Variants in MALRD1 observed in about 807,000 individuals in gnomAD.
The protein encoded by MALRD1 is MAM and LDL-receptor class A domain-containing protein 1.
MALRD1 carries 247 observed loss-of-function variants against 242.1 expected under a neutral mutation model. That is an observed-to-expected ratio of 1.02 (90% CI 0.92 to 1.13). The LOEUF (loss-of-function observed/expected upper bound fraction) is 1.13, where lower values mean the gene tolerates loss of function less well. MALRD1 is among the 50% of genes most tolerant of loss of function. The pLI is 0.00. For synonymous variants in MALRD1, 995 were observed against 866.6 expected, an observed-to-expected ratio of 1.15 and a Z score of -2.60; for missense variants, 2,989 against 2,533.1, an observed-to-expected ratio of 1.18 and a Z score of -3.86.
intron 26 of MALRD1, among the ~76,000 whole-genome samples, chr10:19,380,125 C>G (rs960990371): frequency 1.3e-5 from 2 of 151,720 alleles, no homozygotes; most frequent in South Asian, 2.1e-4. Context: ...CAGACATGCA[C>G]CACCATGCCT....
At chr10:19,512,132 G>T (rs1833428987) in intron 31 of MALRD1, among the ~76,000 whole-genome samples, 1 of 152,108 alleles carries the variant, frequency 6.6e-6, no homozygotes, top group African/African-American at 2.4e-5. Context: ...TCTTTCTCTA[G>T]TGTCACTTCC....
intron 14 of MALRD1, among the ~76,000 whole-genome samples, chr10:19,181,325 T>C (rs996460076): frequency 1.3e-5 from 2 of 152,216 alleles, no homozygotes; most frequent in Non-Finnish European, 2.9e-5. Flanking sequence ...TCTGTTGATG[T>C]ACAGATAGAT....
At position 19,179,718 on chromosome 10, in the gene MALRD1, CTTA is replaced by C. The variant is rs201537080; in HGVS notation, c.1951+4395_1951+4397del. ...AAATTATTTTTAACATCATAATATT[CTTA>C]TTATCGTAAGCAGTTGCTATTTCAG... On this transcript the variant is annotated intron_variant, in intron 14 of 39. Coordinates refer to ENST00000454679, the MANE Select transcript of MALRD1 (RefSeq NM_001142308.3). Among the ~76,000 whole-genome samples the C allele has an allele frequency of 2.0e-4, 30 of 152,212 alleles. No homozygotes were observed. In the East Asian group the frequency reaches 5.6e-3, roughly 28 times the overall value.
chr10:19,596,257 T>C (rs1371949030), intron 34 of MALRD1, among the ~76,000 whole-genome samples: 2 of 152,190 alleles, frequency 1.3e-5, no homozygotes, highest in African/African-American at 4.8e-5. Flanking sequence ...CAAACACCCC[T>C]AACATTTTAT....
intron 32 of MALRD1, among the ~76,000 whole-genome samples, chr10:19,553,360 A>G (rs374552151): frequency 2.4e-4 from 37 of 152,278 alleles, no homozygotes; most frequent in African/African-American, 8.7e-4. Flanking sequence ...TCATGTTATC[A>G]ATACATTTTA....
chr10:19,073,603 T>C (rs1835225907), intron 2 of MALRD1, among the ~76,000 whole-genome samples: 1 of 152,184 alleles, frequency 6.6e-6, no homozygotes, highest in Non-Finnish European at 1.5e-5. Flanking sequence ...CTTCAGGTTA[T>C]GTGAATAAGG....
chr10:19,287,254 G>A (rs952179576), intron 21 of MALRD1, among the ~76,000 whole-genome samples: 27 of 151,802 alleles, frequency 1.8e-4, no homozygotes, highest in African/African-American at 6.3e-4. Flanking sequence ...CTTTTATTAG[G>A]GATTGGTTAT....
At chr10:19,276,862 T>G (rs12415986) in intron 19 of MALRD1, among the ~76,000 whole-genome samples, 21,729 of 151,852 alleles carry the variant, frequency 0.14, 1,835 homozygotes, top group African/African-American at 0.23. Flanking sequence ...TATTTTAGGA[T>G]AGAAAATATT....
intron 14 of MALRD1, among the ~76,000 whole-genome samples, chr10:19,195,954 C>G (rs1836222332): frequency 6.6e-6 from 1 of 152,070 alleles, no homozygotes; most frequent in South Asian, 2.1e-4. Context: ...CTATTCCTAG[C>G]CTCAACTGAT....
chr10:19,331,604 T>C (rs1319427691), intron 24 of MALRD1, 22 bp downstream of exon 24: 2 of 1,541,332 alleles, frequency 1.3e-6, no homozygotes, highest in Non-Finnish European at 1.8e-6. Flanking sequence ...GGTTCTGTTT[T>C]CTTACTTTTG....
chr10:19,578,990 G>A (rs916563011), intron 33 of MALRD1, among the ~76,000 whole-genome samples: 4 of 152,070 alleles, frequency 2.6e-5, no homozygotes, highest in Non-Finnish European at 4.4e-5. Context: ...GTTTCTATTA[G>A]GAAGGCAGAA....
At chr10:19,586,723 G>A (rs187848857) in intron 33 of MALRD1, among the ~76,000 whole-genome samples, 51 of 152,332 alleles carry the variant, frequency 3.3e-4, no homozygotes, top group Middle Eastern at 3.4e-3. Flanking sequence ...ACAGAGGCCC[G>A]CAGGCCTCCT....
intron 21 of MALRD1, among the ~76,000 whole-genome samples, chr10:19,283,436 G>C (rs1404778620): frequency 1.3e-5 from 2 of 152,090 alleles, no homozygotes; most frequent in African/African-American, 2.4e-5. Context: ...ATCACTCTTT[G>C]AAAAGCCCTG....
chr10:19,693,781 C>T (rs1833222741), intron 38 of MALRD1, among the ~76,000 whole-genome samples: 1 of 152,024 alleles, frequency 6.6e-6, no homozygotes, highest in African/African-American at 2.4e-5. Context: ...AATCCTAAGG[C>T]AAAAGAACAA....
In MALRD1 at chr10:19,589,407, G is replaced by A. The variant is rs189094763; in HGVS notation, c.5681-5787G>A. 2.0e-5 allele frequency among the ~76,000 whole-genome samples: 3 copies of A among 152,260 alleles called. No homozygotes were observed. The East Asian group carries it at 5.8e-4, about 29-fold the overall frequency. On this transcript the variant is annotated intron_variant, in intron 33 of 39. Transcript: ENST00000454679. Reference sequence around the variant, plus strand: ...GTAACTTTATTGCTGGTACAGCCTTGAATCATCTCCAATATACAAAGAATA... The same window carrying A: ...GTAACTTTATTGCTGGTACAGCCTTAAATCATCTCCAATATACAAAGAATA...
chr10:19,499,040 T>G (rs1210936204), intron 31 of MALRD1, among the ~76,000 whole-genome samples: 1 of 152,186 alleles, frequency 6.6e-6, no homozygotes, highest in Non-Finnish European at 1.5e-5. Flanking sequence ...ATGAAATGGC[T>G]GACCACCAAT....
intron 18 of MALRD1, among the ~76,000 whole-genome samples, chr10:19,233,493 A>G (rs1838171363): frequency 6.6e-6 from 1 of 152,028 alleles, no homozygotes; most frequent in Non-Finnish European, 1.5e-5. Context: ...CAAGAGTGAA[A>G]CTCCATGTCA....
intron 14 of MALRD1, among the ~76,000 whole-genome samples, chr10:19,176,198 A>C (rs1835223249): frequency 6.6e-6 from 1 of 152,032 alleles, no homozygotes; most frequent in Non-Finnish European, 1.5e-5. Flanking sequence ...ATATATACTT[A>C]AACAACATAT....
At chr10:19,201,233 G>A (rs1320598736) in intron 14 of MALRD1, among the ~76,000 whole-genome samples, 1 of 151,920 alleles carries the variant, frequency 6.6e-6, no homozygotes, top group Non-Finnish European at 1.5e-5. Context: ...TAATTTAATT[G>A]ATTATTACAT....
Sources: allele counts gnomAD v4.1 joint callset (sites outside exome capture counted in the v4.1 genomes callset), GRCh38; gene constraint gnomAD v4.1.1; transcripts MANE v1.5; gene names NCBI Gene and HGNC (gene_info 2026-07-23, HGNC 2026-07-21).